Variants in SPRYD4 observed in about 807,000 individuals in gnomAD.
SPRYD4 encodes SPRY domain containing 4, also known as SPRY domain-containing protein 4.
SPRYD4 carries 12 observed loss-of-function variants against 16.6 expected under a neutral mutation model. The ratio of observed to expected loss-of-function variants is 0.72; its 90% CI spans 0.46 to 1.17. The LOEUF (loss-of-function observed/expected upper bound fraction) is 1.17. Ranked by LOEUF, SPRYD4 falls within the 50% of genes most tolerant of loss-of-function variation. SPRYD4 has a pLI of 0.00. For missense variants in SPRYD4, 260 were observed against 260.2 expected, an observed-to-expected ratio of 1.00 and a Z score of 0.00; for synonymous variants, 98 against 105.4, an observed-to-expected ratio of 0.93 and a Z score of 0.43.
intron 1 of SPRYD4, 69 bp downstream of exon 1, chr12:56,468,745 C>A: frequency 6.6e-7 from 1 of 1,512,370 alleles, no homozygotes; most frequent in Non-Finnish European, 9.2e-7. Context: ...GACCCCACTC[C>A]GAGAAGCAAC....
At position 56,472,013 on chromosome 12, in the gene SPRYD4, G is replaced by T; in HGVS notation, c.*2436G>T. 3.7e-6 allele frequency: 5 copies of T among 1,351,586 alleles called. No homozygotes were observed. The highest frequency in any genetic ancestry group is 5.2e-6 in the Non-Finnish European group (5 of 953,448). 83.7% of individuals were successfully genotyped at this position (1,351,586 alleles called of 1,614,324 possible). The stretch of plus-strand genomic sequence containing the variant: ...ACCGAAGGGTGTCTAGATAAAACTA[G>T]TTGCTGCCCCTATAACCTTGAGGGC... On this transcript the variant is annotated 3_prime_UTR_variant, in exon 2 of 2. Transcript: ENST00000338146.
rs1286845644 is a variant in SPRYD4, at chr12:56,469,619, C to G, written c.*42C>G. 6.4e-7 allele frequency: 1 copy of G among 1,559,652 alleles called. No individual in the cohort carries two copies. The highest frequency in any genetic ancestry group is 1.2e-5 in the South Asian group (1 of 85,994). ...GTCCCTAATCACGCCTTTGGCCAGC[C>G]TCCTTTTGAAAGTGTCCGAAGCCTT... On this transcript the variant is annotated 3_prime_UTR_variant, in exon 2 of 2. Coordinates refer to ENST00000338146, the MANE Select transcript of SPRYD4 (RefSeq NM_207344.4).
In SPRYD4 at chr12:56,478,538, C is replaced by G. The variant is rs74091906; in HGVS notation, c.*8961C>G. Reference sequence around the variant, plus strand: ...CAACCTTCCCCTTTTGGTTCTTAGGCTCAGTTACCCTATAAATCCCTTTGA... The same window carrying G: ...CAACCTTCCCCTTTTGGTTCTTAGGGTCAGTTACCCTATAAATCCCTTTGA... On this transcript the variant is annotated 3_prime_UTR_variant, in exon 2 of 2. Transcript: ENST00000338146. 1.1e-3 allele frequency: 468 copies of G among 441,776 alleles called. 5 individuals carry two copies. Among genetic ancestry groups the G allele is most frequent in the African/African-American group, 8.7e-3 (441 of 50,460 alleles). The allele number at this position is 441,776 out of a possible 1,614,324, so 27.4% of individuals were successfully genotyped here.
At position 56,472,887 on chromosome 12, in the gene SPRYD4, T is replaced by A; in HGVS notation, c.*3310T>A. On this transcript the variant is annotated 3_prime_UTR_variant, in exon 2 of 2. Coordinates refer to ENST00000338146, the MANE Select transcript of SPRYD4 (RefSeq NM_207344.4). The stretch of plus-strand genomic sequence containing the variant: ...GGAATGTGCTACTCTGAAATATTCT[T>A]TTTTTTTTTTTTTTTTTTGAGACGG... The A allele has an allele frequency of 1.0e-5, 3 of 287,536 alleles. No individual in the cohort carries two copies. The highest frequency in any genetic ancestry group is 1.2e-5 in the Non-Finnish European group (2 of 161,328). 17.8% of individuals were successfully genotyped at this position (287,536 alleles called of 1,614,324 possible). A position where few individuals can be genotyped will look rare whatever the true frequency, so the allele number is the denominator to read the frequency against.
Position 56,479,397 on chromosome 12 carries a change from G to A in SPRYD4, c.*9820G>A. 1 of 510,182 alleles carries A rather than the reference G, an allele frequency of 2.0e-6. No homozygotes were observed. Among genetic ancestry groups the A allele is most frequent in the South Asian group, 3.9e-5 (1 of 25,444 alleles). The allele number at this position is 510,182 out of a possible 1,614,324, so 31.6% of individuals were successfully genotyped here. A position where few individuals can be genotyped will look rare whatever the true frequency, so the allele number is the denominator to read the frequency against. ...TGATGTGGAAAGACACTATGTCTTGGGATATGAGAAAAAAAATAAATACCA... is the reference window on the plus strand; with the variant it reads ...TGATGTGGAAAGACACTATGTCTTGAGATATGAGAAAAAAAATAAATACCA... On this transcript the variant is annotated 3_prime_UTR_variant, in exon 2 of 2. Coordinates refer to ENST00000338146, the MANE Select transcript of SPRYD4 (RefSeq NM_207344.4).
In SPRYD4 at chr12:56,472,709, C is replaced by T. The variant is rs982516597; in HGVS notation, c.*3132C>T. On this transcript the variant is annotated 3_prime_UTR_variant, in exon 2 of 2. Coordinates refer to ENST00000338146, the MANE Select transcript of SPRYD4 (RefSeq NM_207344.4). ...CATTACCTTCGAAGAGCTGAGACAT[C>T]GCCACTATAGGCAGCAAATAACAGG... The T allele has an allele frequency of 1.3e-5, 21 of 1,613,568 alleles. No homozygotes were observed. Among genetic ancestry groups the T allele is most frequent in the Non-Finnish European group, 1.5e-5 (18 of 1,179,848 alleles).
chr12:56,474,604 G>A lies in SPRYD4; in HGVS notation c.*5027G>A, dbSNP rs560702267. The stretch of plus-strand genomic sequence containing the variant: ...CGCAGGAATGCATGAGGCTGAGGGT[G>A]TTGCGCACTGCTTCAGCACTCAGCA... On this transcript the variant is annotated 3_prime_UTR_variant, in exon 2 of 2. Coordinates refer to ENST00000338146, the MANE Select transcript of SPRYD4 (RefSeq NM_207344.4). 6.2e-7 allele frequency: 1 copy of A among 1,614,088 alleles called. No homozygotes were observed.
rs929748960 is a variant in SPRYD4 at position 56,472,036 on chromosome 12, G to A, written c.*2459G>A. 3.1e-5 allele frequency: 46 copies of A among 1,470,948 alleles called. No individual in the cohort carries two copies. The African/African-American group carries it at 5.8e-4, about 19-fold the overall frequency. The allele number at this position is 1,470,948 out of a possible 1,614,324, so 91.1% of individuals were successfully genotyped here. A position where few individuals can be genotyped will look rare whatever the true frequency, so the allele number is the denominator to read the frequency against. On this transcript the variant is annotated 3_prime_UTR_variant, in exon 2 of 2. Coordinates refer to ENST00000338146, the MANE Select transcript of SPRYD4 (RefSeq NM_207344.4). ...TAGTTGCTGCCCCTATAACCTTGAG[G>A]GCACATATAATGAAGGTACTTTTGG...
Position 56,469,608 on chromosome 12 carries a change from C to G in SPRYD4, c.*31C>G. The stretch of plus-strand genomic sequence containing the variant: ...CCATTACTGGAGTCCCTAATCACGC[C>G]TTTGGCCAGCCTCCTTTTGAAAGTG... On this transcript the variant is annotated 3_prime_UTR_variant, in exon 2 of 2. Transcript: ENST00000338146. 1 of 1,577,626 alleles carries G rather than the reference C, an allele frequency of 6.3e-7. No homozygotes were observed. The highest frequency in any genetic ancestry group is 8.6e-7 in the Non-Finnish European group (1 of 1,160,760).
chr12:56,475,837 T>A lies in SPRYD4; in HGVS notation c.*6260T>A. On this transcript the variant is annotated 3_prime_UTR_variant, in exon 2 of 2. Coordinates refer to ENST00000338146, the MANE Select transcript of SPRYD4 (RefSeq NM_207344.4). ...ACATTTCTGGAAATAAGGCTTCTAG[T>A]ATGGGCTGGTGCACCTGGTAGTGGG... The A allele has an allele frequency of 7.1e-7, 1 of 1,412,212 alleles. No individual in the cohort carries two copies. The highest frequency in any genetic ancestry group is 1.2e-5 in the South Asian group (1 of 86,426). The allele number at this position is 1,412,212 out of a possible 1,614,324, so 87.5% of individuals were successfully genotyped here.
chr12:56,472,505 T>G lies in SPRYD4; in HGVS notation c.*2928T>G, dbSNP rs905106718. On this transcript the variant is annotated 3_prime_UTR_variant, in exon 2 of 2. Coordinates refer to ENST00000338146, the MANE Select transcript of SPRYD4 (RefSeq NM_207344.4). ...CAATAACAATGGCTAACATTAATTA[T>G]CATAGAGCAGACAGTTTACTTTTTT... 4.8e-6 allele frequency: 3 copies of G among 624,534 alleles called. No homozygotes were observed. Among genetic ancestry groups the G allele is most frequent in the Non-Finnish European group, 8.4e-6 (3 of 357,388 alleles). The allele number at this position is 624,534 out of a possible 1,614,324, so 38.7% of individuals were successfully genotyped here.
At position 56,474,045 on chromosome 12, in the gene SPRYD4, T is replaced by G. The variant is rs558684573; in HGVS notation, c.*4468T>G. 5.5e-6 allele frequency: 1 copy of G among 182,058 alleles called. No individual in the cohort carries two copies. Among genetic ancestry groups the G allele is most frequent in the Admixed American group, 5.4e-5 (1 of 18,588 alleles). 11.3% of individuals were successfully genotyped at this position (182,058 alleles called of 1,614,324 possible). On this transcript the variant is annotated 3_prime_UTR_variant, in exon 2 of 2. Coordinates refer to ENST00000338146, the MANE Select transcript of SPRYD4 (RefSeq NM_207344.4). ...ACCCCAAGGAGAAGAGCCAGCAATGTGAAGCACAATTCAGGAGCTGCAACA... is the reference window on the plus strand; with the variant it reads ...ACCCCAAGGAGAAGAGCCAGCAATGGGAAGCACAATTCAGGAGCTGCAACA...
Position 56,469,060 on chromosome 12 carries a change from A to T in SPRYD4, c.107A>T (p.Glu36Val). 1.3e-6 allele frequency: 2 copies of T among 1,572,714 alleles called. No individual in the cohort carries two copies. Among genetic ancestry groups the T allele is most frequent in the Non-Finnish European group, 1.7e-6 (2 of 1,159,070 alleles). The change falls in exon 2 of 2, where the codon GAA becomes GTA. Residue 36 changes from glutamate (E) to valine (V), a missense_variant. Physicochemically the swap from Glu to Val is moderately radical, Grantham distance 121. Coordinates refer to ENST00000338146, the MANE Select transcript of SPRYD4 (RefSeq NM_207344.4). ...GCAGGCGTCAGTTTCAAACTGGAAG[A>T]AAAAACCGCCCACAGCAGCCTGGCA... ...AQRGVSFKLE[E>V]KTAHSSLALF...
In SPRYD4 at chr12:56,478,255, G is replaced by T; in HGVS notation, c.*8678G>T. ...TGACTTGGCCAGCTGAGGGATGTAG[G>T]CTGCCACCTGGACATGAGTGGGTAG... On this transcript the variant is annotated 3_prime_UTR_variant, in exon 2 of 2. Coordinates refer to ENST00000338146, the MANE Select transcript of SPRYD4 (RefSeq NM_207344.4). 6.2e-7 allele frequency: 1 copy of T among 1,614,240 alleles called. No homozygotes were observed. The highest frequency in any genetic ancestry group is 8.5e-7 in the Non-Finnish European group (1 of 1,180,038).
At position 56,477,496 on chromosome 12, in the gene SPRYD4, T is replaced by G; in HGVS notation, c.*7919T>G. On this transcript the variant is annotated 3_prime_UTR_variant, in exon 2 of 2. Transcript: ENST00000338146. ...GGTGCAGTCTCTTATACTGACATTG[T>G]CAGCATAACATGTGGGTCCCTGCTG... The G allele has an allele frequency of 1.5e-6, 1 of 652,330 alleles. No homozygotes were observed. The highest frequency in any genetic ancestry group is 2.7e-6 in the Non-Finnish European group (1 of 369,944). 40.4% of individuals were successfully genotyped at this position (652,330 alleles called of 1,614,324 possible).
chr12:56,475,221 G>T lies in SPRYD4; in HGVS notation c.*5644G>T. 6.2e-7 allele frequency: 1 copy of T among 1,600,070 alleles called. No homozygotes were observed. Among genetic ancestry groups the T allele is most frequent in the Non-Finnish European group, 8.5e-7 (1 of 1,178,790 alleles). ...AACTACATCACACCACAAACTAAAT[G>T]AACCCCTTTATAACTTCTCACAGTA... On this transcript the variant is annotated 3_prime_UTR_variant, in exon 2 of 2. Transcript: ENST00000338146.
rs1869238675 is a variant in SPRYD4, at chr12:56,471,311, T to C, written c.*1734T>C. On this transcript the variant is annotated 3_prime_UTR_variant, in exon 2 of 2. Coordinates refer to ENST00000338146, the MANE Select transcript of SPRYD4 (RefSeq NM_207344.4). ...CTCTGAGGCCCTTCTCTGTACTCTG[T>C]CTGCTGAGGGAATGGGGTATTTTGA... 1.5e-6 allele frequency: 1 copy of C among 645,676 alleles called. No individual in the cohort carries two copies. The highest frequency in any genetic ancestry group is 2.6e-6 in the Non-Finnish European group (1 of 385,696). 40.0% of individuals were successfully genotyped at this position (645,676 alleles called of 1,614,324 possible). A position where few individuals can be genotyped will look rare whatever the true frequency, so the allele number is the denominator to read the frequency against.
At position 56,474,098 on chromosome 12, in the gene SPRYD4, T is replaced by C. The variant is rs920115611; in HGVS notation, c.*4521T>C. ...TCTGGTTGTTTTTCTTTTTCTTTTT[T>C]TCTTTTTTTTTGAGATGGAGTTTTG... On this transcript the variant is annotated 3_prime_UTR_variant, in exon 2 of 2. Transcript: ENST00000338146. 1.8e-4 allele frequency: 17 copies of C among 93,922 alleles called. No homozygotes were observed. The highest frequency in any genetic ancestry group is 1.0e-3 in the East Asian group (1 of 966). The allele number at this position is 93,922 out of a possible 1,614,324, so 5.8% of individuals were successfully genotyped here.
Position 56,470,413 on chromosome 12 carries a change from CT to C in SPRYD4, c.*840del. 6.6e-6 allele frequency: 1 copy of C among 152,364 alleles called. No individual in the cohort carries two copies. The highest frequency in any genetic ancestry group is 1.5e-5 in the Non-Finnish European group (1 of 68,128). The allele number at this position is 152,364 out of a possible 1,614,324, so 9.4% of individuals were successfully genotyped here. ...GATCTTGGCTCACTGCAAACTCTGC[CT>C]TTTGGGTTCAAGCGACTCTCGTGCC... On this transcript the variant is annotated 3_prime_UTR_variant, in exon 2 of 2. Transcript: ENST00000338146.
Sources: allele counts gnomAD v4.1 joint callset, GRCh38; gene constraint gnomAD v4.1.1; transcripts MANE v1.5; gene names NCBI Gene and HGNC (gene_info 2026-07-23, HGNC 2026-07-21).